ALPK1: variants seen among roughly 807,000 people sequenced by gnomAD.
The protein encoded by ALPK1 is alpha-protein kinase 1.
ALPK1 carries 110 observed loss-of-function variants against 120.6 expected under a neutral mutation model. The observed-to-expected ratio is 0.91, with a 90% CI of 0.78 to 1.07. The LOEUF (loss-of-function observed/expected upper bound fraction) is 1.07. Among genes scored for constraint, ALPK1 ranks in the 50% least tolerant of loss-of-function variants. ALPK1 has a pLI of 0.00. For synonymous variants in ALPK1, 582 were observed against 560.3 expected, an observed-to-expected ratio of 1.04 and a Z score of -0.55; for missense variants, 1,498 against 1,483.9, an observed-to-expected ratio of 1.01 and a Z score of -0.16.
intron 2 of ALPK1, among the ~76,000 whole-genome samples, chr4:112,325,806 T>C (rs1210325231): frequency 6.6e-6 from 1 of 152,192 alleles, no homozygotes; most frequent in Non-Finnish European, 1.5e-5. Context: ...GATTTGAGTT[T>C]TTAAGCAACC....
chr4:112,363,202 A>C (rs1299987382), intron 2 of ALPK1, among the ~76,000 whole-genome samples: 1 of 152,232 alleles, frequency 6.6e-6, no homozygotes, highest in African/African-American at 2.4e-5. Context: ...GTATTCAGGT[A>C]ACAAATAGCA....
At chr4:112,314,112 C>T (rs1728532832) in intron 1 of ALPK1, among the ~76,000 whole-genome samples, 1 of 152,082 alleles carries the variant, frequency 6.6e-6, no homozygotes, top group East Asian at 1.9e-4. Flanking sequence ...AAATGGAGTG[C>T]TTGGTTTTAG....
chr4:112,302,145 G>A (rs1028593340), intron 1 of ALPK1, among the ~76,000 whole-genome samples: 2 of 152,050 alleles, frequency 1.3e-5, no homozygotes, highest in African/African-American at 4.8e-5. Context: ...AGACCTCTAG[G>A]TGCTGGTCCC....
chr4:112,308,568 A>C (rs531557412), intron 1 of ALPK1, among the ~76,000 whole-genome samples: 2 of 152,012 alleles, frequency 1.3e-5, no homozygotes, highest in East Asian at 3.8e-4. Flanking sequence ...CATTCATCAC[A>C]TATTTCTTGT....
At chr4:112,435,005 G>A (rs563707801) in intron 11 of ALPK1, 143 bp from the exon 12 acceptor site, 1 of 758,622 alleles carries the variant, frequency 1.3e-6, no homozygotes, top group Admixed American at 2.8e-5. Flanking sequence ...AGTTGTCATA[G>A]AAGAGATGAA....
intron 1 of ALPK1, among the ~76,000 whole-genome samples, chr4:112,309,552 G>A (rs924264880): frequency 2.0e-5 from 3 of 152,096 alleles, no homozygotes; most frequent in African/African-American, 7.3e-5. Flanking sequence ...CGAGCCAGGC[G>A]TGGGATATAA....
intron 1 of ALPK1, among the ~76,000 whole-genome samples, chr4:112,309,977 T>C (rs1433350584): frequency 6.6e-6 from 1 of 151,730 alleles, no homozygotes; most frequent in Non-Finnish European, 1.5e-5. Context: ...TAAATTGTGA[T>C]GATTTCTTCA....
intron 2 of ALPK1, among the ~76,000 whole-genome samples, chr4:112,324,053 C>T (rs984999406): frequency 5.9e-5 from 9 of 152,012 alleles, no homozygotes; most frequent in African/African-American, 2.2e-4. Context: ...CTTGGCCAGG[C>T]GTGGTGGCTC....
chr4:112,299,110 G>A (rs982771919), intron 1 of ALPK1, among the ~76,000 whole-genome samples: 1 of 151,710 alleles, frequency 6.6e-6, no homozygotes, highest in Non-Finnish European at 1.5e-5. Flanking sequence ...TGTATTTGTT[G>A]CCTCTCTATA....
chr4:112,396,319 T>C (rs2882661), intron 4 of ALPK1, among the ~76,000 whole-genome samples: 119,232 of 152,150 alleles, frequency 0.78, 46,908 homozygotes, highest in African/African-American at 0.85. Flanking sequence ...TGGAGATTTT[T>C]GTAGTATTTC....
intron 2 of ALPK1, among the ~76,000 whole-genome samples, chr4:112,373,410 C>T (rs753647816): frequency 2.0e-5 from 3 of 152,182 alleles, no homozygotes; most frequent in Non-Finnish European, 4.4e-5. Context: ...TGGCATAAAA[C>T]GTTGTGACTT....
intron 2 of ALPK1, among the ~76,000 whole-genome samples, chr4:112,354,720 C>T (rs183654146): frequency 1.3e-5 from 2 of 152,144 alleles, no homozygotes; most frequent in East Asian, 1.9e-4. Context: ...CACCCACTTC[C>T]GCCTCCCAAA....
chr4:112,373,780 A>G (rs1731525671), intron 2 of ALPK1, among the ~76,000 whole-genome samples: 1 of 152,218 alleles, frequency 6.6e-6, no homozygotes, highest in African/African-American at 2.4e-5. Flanking sequence ...TTCCCAGTGC[A>G]TAATATTAAT....
In ALPK1 at chr4:112,440,931, A is replaced by G; in HGVS notation, c.3553A>G (p.Asn1185Asp). ...VVDLQGWVTGNGKGLIYLTDP... is the reference protein window; with the variant it reads ...VVDLQGWVTGDGKGLIYLTDP... ...TTCTCTTTTAGGTTGGGTAACCGGTAATGGAAAAGGACTCATCTACCTCAC... is the reference window on the plus strand; with the variant it reads ...TTCTCTTTTAGGTTGGGTAACCGGTGATGGAAAAGGACTCATCTACCTCAC... Residue 1185 changes from asparagine to aspartate, a missense_variant, in exon 15 of 16, where the codon AAT becomes GAT. Physicochemically the swap from Asn to Asp is conservative, Grantham distance 23 (BLOSUM62 1). Transcript: ENST00000650871. 1 of 1,611,648 alleles carries G rather than the reference A, an allele frequency of 6.2e-7. No homozygotes were observed. The highest frequency in any genetic ancestry group is 8.5e-7 in the Non-Finnish European group (1 of 1,179,040).
At chr4:112,323,948 C>T (rs190003532) in intron 2 of ALPK1, among the ~76,000 whole-genome samples, 104 of 152,268 alleles carry the variant, frequency 6.8e-4, no homozygotes, top group Admixed American at 6.5e-3. Context: ...GTGAGTGGGC[C>T]AGTGGATGCT....
rs889101961 is a variant in ALPK1 at position 112,442,152 on chromosome 4, G to A, written c.*942G>A. The A allele has an allele frequency of 2.0e-5, 3 of 152,152 alleles. No homozygotes were observed. Among genetic ancestry groups the A allele is most frequent in the Non-Finnish European group, 4.4e-5 (3 of 68,076 alleles). 9.4% of individuals were successfully genotyped at this position (152,152 alleles called of 1,614,324 possible). On this transcript the variant is annotated 3_prime_UTR_variant, in exon 16 of 16. Transcript: ENST00000650871. Reference sequence around the variant, plus strand: ...CTTGTGAGAATTCATTCACTCTCACGAGAACAGCATGGGAAAAACTGCCTC... The same window carrying A: ...CTTGTGAGAATTCATTCACTCTCACAAGAACAGCATGGGAAAAACTGCCTC...
At chr4:112,414,389 C>T in intron 5 of ALPK1, 1 of 444,164 alleles carries the variant, frequency 2.3e-6, no homozygotes, top group Non-Finnish European at 4.6e-6. Flanking sequence ...GGTGGATCAC[C>T]TGAAGTCAGG....
intron 2 of ALPK1, among the ~76,000 whole-genome samples, chr4:112,318,500 C>G (rs1428040299): frequency 6.6e-6 from 1 of 152,230 alleles, no homozygotes; most frequent in Non-Finnish European, 1.5e-5. Context: ...TTTCACTTCT[C>G]CAGGTTGCTT....
chr4:112,418,345 CA>C (rs1006145620), intron 5 of ALPK1, among the ~76,000 whole-genome samples: 3 of 152,154 alleles, frequency 2.0e-5, no homozygotes, highest in African/African-American at 7.2e-5. Context: ...TACAGAGTGC[CA>C]GGGGAAACTG....
Sources: allele counts gnomAD v4.1 joint callset (sites outside exome capture counted in the v4.1 genomes callset), GRCh38; gene constraint gnomAD v4.1.1; transcripts MANE v1.5; gene names NCBI Gene and HGNC (gene_info 2026-07-23, HGNC 2026-07-21).